Variants in KBTBD11 observed in about 807,000 individuals in gnomAD.
KBTBD11 encodes kelch repeat and BTB domain containing 11.
For synonymous variants in KBTBD11, 747 were observed against 499.0 expected (o/e 1.50, Z -6.63); for missense variants, 1,390 against 1,001.8 (o/e 1.39, Z -5.23).
At position 2,003,072 on chromosome 8, in the gene KBTBD11, G is replaced by A; in HGVS notation, c.*8G>A. 4.0e-6 allele frequency: 5 copies of A among 1,258,154 alleles called. No individual in the cohort carries two copies. The highest frequency in any genetic ancestry group is 5.0e-6 in the Non-Finnish European group (5 of 999,778). The allele number at this position is 1,258,154 out of a possible 1,614,324, so 77.9% of individuals were successfully genotyped here. On this transcript the variant is annotated 3_prime_UTR_variant, in exon 2 of 2. Coordinates refer to ENST00000320248, the MANE Select transcript of KBTBD11 (RefSeq NM_014867.3). The stretch of plus-strand genomic sequence containing the variant: ...GAGCAGGGCGCCCCGTAGGCCGGCG[G>A]GGTCGGCGGGCGTCTCCCTCGGCAG...
chr8:1,994,592 C>T (rs533769088), intron 1 of KBTBD11, among the ~76,000 whole-genome samples: 2 of 152,372 alleles, frequency 1.3e-5, no homozygotes, highest in African/African-American at 4.8e-5. Flanking sequence ...TGGCTAATCA[C>T]AACACCTCCC....
At chr8:1,987,796 A>G (rs1373812102) in intron 1 of KBTBD11, among the ~76,000 whole-genome samples, 4 of 151,864 alleles carry the variant, frequency 2.6e-5, no homozygotes, top group African/African-American at 9.7e-5. Flanking sequence ...GGTTGGTTAC[A>G]TATATATACA....
rs760890990 is a variant in KBTBD11 at position 2,000,367 on chromosome 8, C to G, written c.-826C>G. 1 of 152,300 alleles carries G rather than the reference C, an allele frequency of 6.6e-6. No homozygotes were observed. Among genetic ancestry groups the G allele is most frequent in the Non-Finnish European group, 1.5e-5 (1 of 68,092 alleles). 9.4% of individuals were successfully genotyped at this position (152,300 alleles called of 1,614,324 possible). ...CAGAGGAAGGGTCCTGCCCCGTGAG[C>G]GAGGACAGCCTCCAGGAGCACAGCG... On this transcript the variant is annotated 5_prime_UTR_variant, in exon 2 of 2. Coordinates refer to ENST00000320248, the MANE Select transcript of KBTBD11 (RefSeq NM_014867.3).
At position 2,001,240 on chromosome 8, in the gene KBTBD11, C is replaced by A. The variant is rs1319626545; in HGVS notation, c.48C>A (p.Pro16=). 4.0e-6 allele frequency: 6 copies of A among 1,486,968 alleles called. No individual in the cohort carries two copies. The South Asian group carries it at 7.7e-5, about 19-fold the overall frequency. 92.1% of individuals were successfully genotyped at this position (1,486,968 alleles called of 1,614,324 possible). The stretch of plus-strand genomic sequence containing the variant: ...GCGTCCTCTACCCAGGGACTGAGCC[C>A]GGGGCTGCCGGGGAGAGCGAGAGCG... The part of the protein sequence containing the change: ...APCVLYPGTE[P]GAAGESESEG... Residue 16 remains proline, a synonymous_variant, in exon 2 of 2, where the codon CCC becomes CCA. Coordinates refer to ENST00000320248, the MANE Select transcript of KBTBD11 (RefSeq NM_014867.3).
At chr8:1,993,959 A>ACACACACACACACACACAC (rs1554527405) in intron 1 of KBTBD11, among the ~76,000 whole-genome samples, 3 of 150,062 alleles carry the variant, frequency 2.0e-5, no homozygotes, top group South Asian at 2.2e-4. Flanking sequence ...ACACACACAC[A>ACACACACACACACACACAC]AAACCCCATA....
Position 2,003,275 on chromosome 8 carries a change from C to A in KBTBD11, c.*211C>A. ...GCTTCTGGGGGTGGATGCCTTGAGA[C>A]CCAGGAGGTGTGCGGATGGGTCCCT... On this transcript the variant is annotated 3_prime_UTR_variant, in exon 2 of 2. Transcript: ENST00000320248. The A allele has an allele frequency of 1.4e-6, 1 of 709,788 alleles. No individual in the cohort carries two copies. Among genetic ancestry groups the A allele is most frequent in the Non-Finnish European group, 2.0e-6 (1 of 502,558 alleles). The allele number at this position is 709,788 out of a possible 1,614,324, so 44.0% of individuals were successfully genotyped here. A position where few individuals can be genotyped will look rare whatever the true frequency, so the allele number is the denominator to read the frequency against.
At chr8:1,988,490 G>A (rs945446545) in intron 1 of KBTBD11, among the ~76,000 whole-genome samples, 4 of 152,230 alleles carry the variant, frequency 2.6e-5, no homozygotes, top group Admixed American at 2.0e-4. Context: ...CAGTGATGGT[G>A]AGCATTTTTT....
rs769858796 is a variant in KBTBD11 at position 2,001,702 on chromosome 8, G to C, written c.510G>C (p.Ser170=). Residue 170 remains serine, a synonymous_variant, in exon 2 of 2, where the codon TCG becomes TCC. Coordinates refer to ENST00000320248, the MANE Select transcript of KBTBD11 (RefSeq NM_014867.3). ...ARSDYFRARA[S]RDVLRVQGVS... is the part of the protein sequence containing the mutation. The stretch of plus-strand genomic sequence containing the variant: ...GCGACTACTTCCGCGCGCGCGCGTC[G>C]CGGGACGTGCTGCGGGTGCAGGGAG... The C allele has an allele frequency of 1.8e-4, 264 of 1,429,358 alleles. 1 individual carries two copies. The highest frequency in any genetic ancestry group is 2.3e-4 in the Non-Finnish European group (254 of 1,096,536). 88.5% of individuals were successfully genotyped at this position (1,429,358 alleles called of 1,614,324 possible).
chr8:1,990,481 A>T (rs34888896), intron 1 of KBTBD11, among the ~76,000 whole-genome samples: 1 of 67,184 alleles, frequency 1.5e-5, no homozygotes, highest in African/African-American at 5.5e-5. Context: ...TGCTGCTGGG[A>T]CTTGGCGCCC....
At chr8:1,982,710 A>C (rs966252105) in intron 1 of KBTBD11, among the ~76,000 whole-genome samples, 3 of 152,010 alleles carry the variant, frequency 2.0e-5, no homozygotes, top group East Asian at 3.9e-4. Flanking sequence ...GGGCCAATTC[A>C]TCAGAAGTAA....
At position 1,982,934 on chromosome 8, in the gene KBTBD11, C is replaced by G. The variant is rs377407528; in HGVS notation, c.-909+8999C>G. ...AGACATGGGGTATTGCCATGTTGTCCAGGCTGGTGTTGAACTGCTGACCTC... is the reference window on the plus strand; with the variant it reads ...AGACATGGGGTATTGCCATGTTGTCGAGGCTGGTGTTGAACTGCTGACCTC... On this transcript the variant is annotated intron_variant, in intron 1 of 1. Coordinates refer to ENST00000320248, the MANE Select transcript of KBTBD11 (RefSeq NM_014867.3). 1.5e-4 allele frequency among the ~76,000 whole-genome samples: 23 copies of G among 152,208 alleles called. No homozygotes were observed. In the East Asian group the frequency reaches 3.3e-3, roughly 22 times the overall value.
Position 2,002,698 on chromosome 8 carries a change from C to T in KBTBD11, c.1506C>T (p.Ile502=). 6.4e-7 allele frequency: 1 copy of T among 1,551,154 alleles called. No homozygotes were observed. Among genetic ancestry groups the T allele is most frequent in the Non-Finnish European group, 8.6e-7 (1 of 1,157,454 alleles). Residue 502 remains isoleucine, a synonymous_variant, in exon 2 of 2, where the codon ATC becomes ATT. Transcript: ENST00000320248. This position sits in a 1 kb window ranked among gnomAD's most constrained non-coding sequence, Gnocchi z 4.1. ...SADMVALDGF[I]YRFDLSGSRG... is the part of the protein sequence containing the mutation. ...ACATGGTGGCTCTCGACGGCTTCATCTACCGCTTCGATCTGAGCGGCAGCC... is the reference window on the plus strand; with the variant it reads ...ACATGGTGGCTCTCGACGGCTTCATTTACCGCTTCGATCTGAGCGGCAGCC...
rs1229392826 is a variant in KBTBD11 at position 2,002,161 on chromosome 8, G to A, written c.969G>A (p.Gly323=). ...CCTCGGGGGACGCGGACGCGCGCGG[G>A]GACGCGGCCGTCTACTGCTTCCACG... is the stretch of plus-strand genomic sequence containing the variant. ...QSPSGDADAR[G]DAAVYCFHAA... is the part of the protein sequence containing the mutation. Residue 323 remains glycine (G), a synonymous_variant, in exon 2 of 2, where the codon GGG becomes GGA. Coordinates refer to ENST00000320248, the MANE Select transcript of KBTBD11 (RefSeq NM_014867.3). The surrounding 1 kb of genome is among the most constrained non-coding windows in gnomAD (Gnocchi z 4.1). 2.3e-5 allele frequency: 27 copies of A among 1,199,212 alleles called. No individual in the cohort carries two copies. In the East Asian group the frequency reaches 9.3e-4, roughly 42 times the overall value. The allele number at this position is 1,199,212 out of a possible 1,614,324, so 74.3% of individuals were successfully genotyped here.
intron 1 of KBTBD11, among the ~76,000 whole-genome samples, 196 bp downstream of exon 1, chr8:1,974,131 AGG>A: frequency 2.8e-5 from 1 of 36,352 alleles, no homozygotes; most frequent in Admixed American, 3.1e-4. Context: ...AGCGGAGCGG[AGG>A]GGAGGGGAGG....
At chr8:1,979,993 C>T (rs551539228) in intron 1 of KBTBD11, among the ~76,000 whole-genome samples, 2 of 152,288 alleles carry the variant, frequency 1.3e-5, no homozygotes, top group South Asian at 2.1e-4. Flanking sequence ...CCCAGTCTCA[C>T]TTTGTGCTGA....
rs1817461961 is a variant in KBTBD11, at chr8:2,003,118, C to A, written c.*54C>A. On this transcript the variant is annotated 3_prime_UTR_variant, in exon 2 of 2. Coordinates refer to ENST00000320248, the MANE Select transcript of KBTBD11 (RefSeq NM_014867.3). The stretch of plus-strand genomic sequence containing the variant: ...GGCAGGGGTTTGCGGGGCCCAGGTC[C>A]CTTTGGGCCCGCGGAGGAGGACGTG... The A allele has an allele frequency of 8.0e-7, 1 of 1,252,308 alleles. No individual in the cohort carries two copies. The highest frequency in any genetic ancestry group is 1.0e-6 in the Non-Finnish European group (1 of 991,724). 77.6% of individuals were successfully genotyped at this position (1,252,308 alleles called of 1,614,324 possible).
chr8:1,975,741 G>A (rs1585714046), intron 1 of KBTBD11, among the ~76,000 whole-genome samples: 1 of 152,340 alleles, frequency 6.6e-6, no homozygotes, highest in African/African-American at 2.4e-5. Context: ...CAGGGAGCAG[G>A]ACTCTGTGTT....
At position 2,000,767 on chromosome 8, in the gene KBTBD11, A is replaced by G. The variant is rs533404267; in HGVS notation, c.-426A>G. The G allele has an allele frequency of 4.5e-4, 73 of 163,734 alleles. No homozygotes were observed. The highest frequency in any genetic ancestry group is 3.0e-3 in the South Asian group (15 of 4,922). 10.1% of individuals were successfully genotyped at this position (163,734 alleles called of 1,614,324 possible). A position where few individuals can be genotyped will look rare whatever the true frequency, so the allele number is the denominator to read the frequency against. ...AGACACCTAGTCAGCCAGCGTTGCA[A>G]AGAGGGATAGCTAGTCACTCAGGCT... On this transcript the variant is annotated 5_prime_UTR_variant, in exon 2 of 2. Coordinates refer to ENST00000320248, the MANE Select transcript of KBTBD11 (RefSeq NM_014867.3).
At chr8:1,993,673 A>C (rs1049769973) in intron 1 of KBTBD11, among the ~76,000 whole-genome samples, 2 of 151,832 alleles carry the variant, frequency 1.3e-5, no homozygotes, top group African/African-American at 2.4e-5. Context: ...TTTTTATGGA[A>C]AGGGATGACA....
Sources: gnomAD v4.1 joint callset for allele counts (sites outside exome capture counted in the v4.1 genomes callset) on GRCh38, gnomAD v4.1.1 for gene constraint, Gnocchi (gnomAD v3.1) non-coding constraint, MANE v1.5 for transcripts, NCBI Gene and HGNC (gene_info 2026-07-23, HGNC 2026-07-21) for gene names.